Variants in KCTD8 observed in about 807,000 individuals in gnomAD.
KCTD8 encodes BTB/POZ domain-containing protein KCTD8.
Under a neutral mutation model 31.5 loss-of-function variants are expected in KCTD8, and 27 were observed. That is an observed-to-expected ratio of 0.86 (90% CI 0.63 to 1.18). The LOEUF is 1.18. KCTD8 is among the 50% of genes most tolerant of loss of function. The pLI is 0.00. For missense variants in KCTD8, 658 were observed against 647.7 expected (o/e 1.02, Z -0.17); for synonymous variants, 290 against 280.0 (o/e 1.04, Z -0.36).
chr4:44,434,916 A>C (rs1398204920), intron 1 of KCTD8, among the ~76,000 whole-genome samples: 1 of 151,832 alleles, frequency 6.6e-6, no homozygotes, highest in African/African-American at 2.4e-5. Context: ...ATTTTGTGGG[A>C]TTATTTATTA....
At chr4:44,398,838 C>T (rs775199228) in intron 1 of KCTD8, among the ~76,000 whole-genome samples, 23 of 152,056 alleles carry the variant, frequency 1.5e-4, no homozygotes, top group Non-Finnish European at 1.9e-4. Context: ...GGAAAGAGCA[C>T]GGGTGGTTTC....
chr4:44,336,525 A>G (rs2109415800), intron 1 of KCTD8, among the ~76,000 whole-genome samples: 1 of 152,234 alleles, frequency 6.6e-6, no homozygotes, highest in East Asian at 1.9e-4. Context: ...CAAAATTAAA[A>G]TCGAAAAATG....
chr4:44,427,358 G>A (rs13118199), intron 1 of KCTD8, among the ~76,000 whole-genome samples: 70,626 of 150,586 alleles, frequency 0.47, 17,448 homozygotes, highest in South Asian at 0.63. Context: ...ATATGCTTTG[G>A]GTATTACTAT....
At chr4:44,277,299 A>G (rs573087383) in intron 1 of KCTD8, among the ~76,000 whole-genome samples, 51 of 152,076 alleles carry the variant, frequency 3.4e-4, no homozygotes, top group African/African-American at 1.2e-3. Context: ...TTTGATAATT[A>G]TAATTTATAT....
chr4:44,320,618 A>C (rs184265277), intron 1 of KCTD8, among the ~76,000 whole-genome samples: 1 of 152,212 alleles, frequency 6.6e-6, no homozygotes, highest in African/African-American at 2.4e-5. Context: ...TTTTAGAAGC[A>C]TAAGTAAAAC....
intron 1 of KCTD8, among the ~76,000 whole-genome samples, chr4:44,233,804 A>AT (rs1048948154): frequency 6.6e-6 from 1 of 152,046 alleles, no homozygotes; most frequent in Non-Finnish European, 1.5e-5. Context: ...TTTCCTAAGA[A>AT]TTTTTTTTAA....
chr4:44,396,634 T>C (rs1720512810), intron 1 of KCTD8, among the ~76,000 whole-genome samples: 1 of 151,888 alleles, frequency 6.6e-6, no homozygotes. Flanking sequence ...CTGATTAACA[T>C]CTAAGAAAAA....
chr4:44,223,256 T>G (rs1025052008), intron 1 of KCTD8, among the ~76,000 whole-genome samples: 1 of 152,188 alleles, frequency 6.6e-6, no homozygotes, highest in African/African-American at 2.4e-5. Flanking sequence ...AGTGACTGGA[T>G]AGATGACAGG....
intron 1 of KCTD8, among the ~76,000 whole-genome samples, chr4:44,409,137 G>A (rs1490183795): frequency 6.6e-6 from 1 of 151,642 alleles, no homozygotes; most frequent in Non-Finnish European, 1.5e-5. Context: ...CAACTGTTCA[G>A]GAGGCTGAGG....
rs529810674 is a variant in KCTD8, at chr4:44,181,640, G to A, written c.962-6390C>T. Among the ~76,000 whole-genome samples the A allele has an allele frequency of 4.6e-5, 7 of 152,288 alleles. No individual in the cohort carries two copies. The South Asian group carries it at 1.0e-3, about 23-fold the overall frequency. On this transcript the variant is annotated intron_variant, in intron 1 of 1. Coordinates refer to ENST00000360029, the MANE Select transcript of KCTD8 (RefSeq NM_198353.3). ...GCCTGCCTTGGCCTCCCAAAGTGCC[G>A]AGATTGCAGCCTCTGCCCCGGCCGC...
intron 1 of KCTD8, among the ~76,000 whole-genome samples, chr4:44,188,793 T>C (rs1049055098): frequency 6.6e-6 from 1 of 152,184 alleles, no homozygotes; most frequent in Non-Finnish European, 1.5e-5. Context: ...AATCCTGGAA[T>C]GTCAGCTGCC....
At chr4:44,376,624 C>G (rs1482040346) in intron 1 of KCTD8, among the ~76,000 whole-genome samples, 1 of 152,154 alleles carries the variant, frequency 6.6e-6, no homozygotes, top group African/African-American at 2.4e-5. Context: ...CTAATGCTGG[C>G]TATGTGCCAG....
At chr4:44,282,657 A>T (rs1716933200) in intron 1 of KCTD8, among the ~76,000 whole-genome samples, 1 of 152,146 alleles carries the variant, frequency 6.6e-6, no homozygotes, top group Non-Finnish European at 1.5e-5. Flanking sequence ...TCTTGAAGGA[A>T]AGTAAAAGTG....
At chr4:44,215,304 A>G (rs1714615431) in intron 1 of KCTD8, among the ~76,000 whole-genome samples, 2 of 152,202 alleles carry the variant, frequency 1.3e-5, no homozygotes, top group African/African-American at 4.8e-5. Flanking sequence ...GGGCAGTTAC[A>G]AAAATATGGT....
chr4:44,213,199 G>A (rs1714546230), intron 1 of KCTD8, among the ~76,000 whole-genome samples: 1 of 152,142 alleles, frequency 6.6e-6, no homozygotes, highest in Admixed American at 6.5e-5. Context: ...GCCTCCCAGA[G>A]TGCTGGGAAT....
chr4:44,307,696 ACT>A lies in KCTD8; in HGVS notation c.962-132448_962-132447del, dbSNP rs574807002. 3.7e-3 allele frequency among the ~76,000 whole-genome samples: 562 copies of A among 152,060 alleles called. 6 individuals are homozygous for A. The highest frequency in any genetic ancestry group is 0.013 in the African/African-American group (542 of 41,510). On this transcript the variant is annotated intron_variant, in intron 1 of 1. Transcript: ENST00000360029. Reference sequence around the variant, plus strand: ...TAAATCTCAAACCACAAGAGAAAATACTCTGTTTCAAGCTGCATATTAGCCTA... The same window carrying A: ...TAAATCTCAAACCACAAGAGAAAATACTGTTTCAAGCTGCATATTAGCCTA...
intron 1 of KCTD8, among the ~76,000 whole-genome samples, chr4:44,430,705 G>T (rs1430817604): frequency 6.6e-6 from 1 of 151,486 alleles, no homozygotes; most frequent in African/African-American, 2.4e-5. Flanking sequence ...CATGGATTTG[G>T]CTATGACCTT....
At chr4:44,313,368 G>A (rs1176334028) in intron 1 of KCTD8, among the ~76,000 whole-genome samples, 2 of 152,166 alleles carry the variant, frequency 1.3e-5, no homozygotes, top group East Asian at 3.9e-4. Flanking sequence ...TGGTCTTGTG[G>A]TCTGTCAGGC....
At chr4:44,200,572 A>G (rs546285062) in intron 1 of KCTD8, among the ~76,000 whole-genome samples, 1 of 152,234 alleles carries the variant, frequency 6.6e-6, no homozygotes, top group South Asian at 2.1e-4. Flanking sequence ...GATCATCCCA[A>G]TAGATGTAGA....
Sources: allele counts gnomAD v4.1 joint callset (sites outside exome capture counted in the v4.1 genomes callset), GRCh38; gene constraint gnomAD v4.1.1; transcripts MANE v1.5; gene names NCBI Gene and HGNC (gene_info 2026-07-23, HGNC 2026-07-21).